Variants in MCC observed in about 807,000 individuals in gnomAD.
The protein encoded by MCC is MCC regulator of Wnt signaling pathway.
Under a neutral mutation model 116.2 loss-of-function variants are expected in MCC, and 90 were observed. The ratio of observed to expected loss-of-function variants is 0.77; its 90% CI spans 0.65 to 0.92. MCC has a LOEUF of 0.92. Among genes scored for constraint, MCC ranks in the 40% least tolerant of loss-of-function variants. The probability of loss-of-function intolerance (pLI) is 0.00; values close to 1 mark genes in which losing one functional copy is unlikely to be tolerated. For synonymous variants in MCC, 578 were observed against 510.5 expected, an observed-to-expected ratio of 1.13 and a Z score of -1.78; for missense variants, 1,516 against 1,312.2, an observed-to-expected ratio of 1.16 and a Z score of -2.40.
chr5:113,080,485 G>T (rs1258826843), intron 11 of MCC, among the ~76,000 whole-genome samples: 4 of 152,176 alleles, frequency 2.6e-5, no homozygotes, highest in Admixed American at 2.6e-4. Context: ...AAAAAAGGAT[G>T]AGTTCATGTC....
At chr5:113,091,182 G>A (rs1016272505) in intron 8 of MCC, among the ~76,000 whole-genome samples, 10 of 152,316 alleles carry the variant, frequency 6.6e-5, no homozygotes, top group African/African-American at 2.4e-4. Flanking sequence ...GGCACCTTTG[G>A]GTGTGAGGTC....
chr5:113,140,354 G>C (rs1759105325), intron 5 of MCC, among the ~76,000 whole-genome samples: 1 of 152,216 alleles, frequency 6.6e-6, no homozygotes, highest in African/African-American at 2.4e-5. Flanking sequence ...AGTGGAATTT[G>C]TAGTTTCCAG....
intron 3 of MCC, among the ~76,000 whole-genome samples, chr5:113,275,124 G>A (rs1002195611): frequency 1.3e-5 from 2 of 152,066 alleles, no homozygotes; most frequent in Admixed American, 6.6e-5. Context: ...TCCATCGCGC[G>A]GGTGGGCCAC....
chr5:113,416,446 G>C (rs1025064068), intron 1 of MCC, among the ~76,000 whole-genome samples: 2 of 152,030 alleles, frequency 1.3e-5, no homozygotes, highest in Non-Finnish European at 2.9e-5. Context: ...AAAGTGGCAG[G>C]GGGAGCAGGT....
At chr5:113,351,665 A>G (rs1176044361) in intron 2 of MCC, among the ~76,000 whole-genome samples, 1 of 152,180 alleles carries the variant, frequency 6.6e-6, no homozygotes, top group Non-Finnish European at 1.5e-5. Flanking sequence ...CAATAATTTA[A>G]TTGTGCATTT....
At chr5:113,364,084 A>T (rs1016993394) in intron 2 of MCC, among the ~76,000 whole-genome samples, 10 of 152,016 alleles carry the variant, frequency 6.6e-5, no homozygotes, top group Non-Finnish European at 7.4e-5. Flanking sequence ...TGCAAAAATT[A>T]GCTGGGCATG....
chr5:113,095,700 A>T (rs992518373), intron 8 of MCC, among the ~76,000 whole-genome samples: 194 of 148,732 alleles, frequency 1.3e-3, no homozygotes, highest in East Asian at 2.4e-3. Context: ...AAAAAAAAAA[A>T]TTTTTTTTTT....
intron 1 of MCC, among the ~76,000 whole-genome samples, chr5:113,460,023 A>G (rs1771702663): frequency 6.6e-6 from 1 of 152,244 alleles, no homozygotes; most frequent in Non-Finnish European, 1.5e-5. Context: ...AAAAGGGAAA[A>G]TAAACTGAAG....
chr5:113,455,477 A>G (rs1771518014), intron 1 of MCC, among the ~76,000 whole-genome samples: 1 of 152,172 alleles, frequency 6.6e-6, no homozygotes, highest in Non-Finnish European at 1.5e-5. Context: ...GGTCTGTAAC[A>G]ACTAACAGCT....
intron 3 of MCC, among the ~76,000 whole-genome samples, chr5:113,307,403 T>A (rs1056447608): frequency 2.6e-5 from 4 of 152,236 alleles, no homozygotes; most frequent in African/African-American, 9.6e-5. Flanking sequence ...TATTCTTTTT[T>A]AATCTATTGT....
chr5:113,166,083 G>C (rs1230003812), intron 3 of MCC, among the ~76,000 whole-genome samples: 1 of 152,078 alleles, frequency 6.6e-6, no homozygotes, highest in African/African-American at 2.4e-5. Context: ...TGATTTTCTT[G>C]TCATGTCTAC....
intron 2 of MCC, among the ~76,000 whole-genome samples, chr5:113,354,950 A>G (rs1280610234): frequency 3.3e-5 from 5 of 151,990 alleles, no homozygotes; most frequent in Non-Finnish European, 7.4e-5. Flanking sequence ...TCTTATTGAG[A>G]AATCTCTGTA....
intron 1 of MCC, among the ~76,000 whole-genome samples, chr5:113,438,314 T>C (rs1245165691): frequency 6.6e-6 from 1 of 152,136 alleles, no homozygotes; most frequent in African/African-American, 2.4e-5. Context: ...CGGTGAGTTG[T>C]AGGAGCTGAG....
At chr5:113,237,934 AGTATG>A (rs1280707300) in intron 3 of MCC, among the ~76,000 whole-genome samples, 2 of 152,178 alleles carry the variant, frequency 1.3e-5, no homozygotes, top group Non-Finnish European at 2.9e-5. Context: ...TCCATGAATG[AGTATG>A]GTTTGGGGAG....
At chr5:113,406,818 A>C (rs747133167) in intron 1 of MCC, among the ~76,000 whole-genome samples, 2 of 152,242 alleles carry the variant, frequency 1.3e-5, no homozygotes, top group Non-Finnish European at 2.9e-5. Context: ...GAAGTCCTGC[A>C]TGCAGAGAAC....
intron 6 of MCC, among the ~76,000 whole-genome samples, chr5:113,116,257 C>A (rs1249677628): frequency 1.3e-5 from 2 of 152,188 alleles, no homozygotes; most frequent in African/African-American, 4.8e-5. Flanking sequence ...GTGGTTCTGG[C>A]ATCCATATGT....
intron 2 of MCC, among the ~76,000 whole-genome samples, chr5:113,345,644 C>T (rs1279925489): frequency 1.3e-5 from 2 of 152,218 alleles, no homozygotes; most frequent in Non-Finnish European, 2.9e-5. Flanking sequence ...GAGAATTCTT[C>T]CAGATCTTAT....
intron 6 of MCC, among the ~76,000 whole-genome samples, chr5:113,120,693 C>A (rs186535826): frequency 1.8e-4 from 28 of 152,344 alleles, no homozygotes; most frequent in Admixed American, 1.6e-3. Context: ...GTGGGAGAAT[C>A]AGTCAAGCAA....
chr5:113,425,805 T>C (rs1391923733), intron 1 of MCC, among the ~76,000 whole-genome samples: 2 of 152,042 alleles, frequency 1.3e-5, no homozygotes, highest in African/African-American at 4.8e-5. Flanking sequence ...GAATATCTAG[T>C]ATCTATCTGA....
Sources: gnomAD v4.1 joint callset for allele counts (sites outside exome capture counted in the v4.1 genomes callset) on GRCh38, gnomAD v4.1.1 for gene constraint, MANE v1.5 for transcripts, NCBI Gene and HGNC (gene_info 2026-07-23, HGNC 2026-07-21) for gene names.